Variants in ULK4 observed in about 807,000 individuals in gnomAD.
The protein encoded by ULK4 is inactive serine/threonine-protein kinase ULK4.
ULK4 carries 133 observed loss-of-function variants against 160.6 expected under a neutral mutation model. The ratio of observed to expected loss-of-function variants is 0.83; its 90% CI spans 0.72 to 0.96. ULK4 has a LOEUF of 0.96. Among genes scored for constraint, ULK4 ranks in the 40% least tolerant of loss-of-function variants. The probability of loss-of-function intolerance (pLI) is 0.00; values close to 1 mark genes in which losing one functional copy is unlikely to be tolerated. For synonymous variants in ULK4, 534 were observed against 539.8 expected, an observed-to-expected ratio of 0.99 and a Z score of 0.15; for missense variants, 1,580 against 1,499.5, an observed-to-expected ratio of 1.05 and a Z score of -0.89.
intron 22 of ULK4, among the ~76,000 whole-genome samples, chr3:41,724,766 C>T (rs1362638129): frequency 6.6e-6 from 1 of 152,090 alleles, no homozygotes; most frequent in Non-Finnish European, 1.5e-5. Flanking sequence ...ATATCTTTGC[C>T]AAAACCCTAC....
At chr3:41,863,844 C>T (rs2042559750) in intron 17 of ULK4, among the ~76,000 whole-genome samples, 2 of 151,636 alleles carry the variant, frequency 1.3e-5, no homozygotes, top group South Asian at 4.2e-4. Context: ...CTCCCCCACT[C>T]TTTCCTCTTC....
At chr3:41,294,072 C>A (rs1559508968) in intron 35 of ULK4, among the ~76,000 whole-genome samples, 1 of 152,218 alleles carries the variant, frequency 6.6e-6, no homozygotes, top group Non-Finnish European at 1.5e-5. Flanking sequence ...AGAGATGTTA[C>A]AGTCTGAGTG....
intron 3 of ULK4, chr3:41,937,845 TAATC>T (rs1699829215): frequency 3.6e-6 from 1 of 278,190 alleles, no homozygotes; most frequent in East Asian, 6.4e-5. Flanking sequence ...TTTGATAAAT[TAATC>T]ATCACTTTAA....
chr3:41,445,410 C>A (rs1017852712), intron 34 of ULK4, among the ~76,000 whole-genome samples: 3 of 152,072 alleles, frequency 2.0e-5, no homozygotes, highest in South Asian at 2.1e-4. Context: ...GAGCCTGCAT[C>A]GCCAAGTCAA....
intron 32 of ULK4, among the ~76,000 whole-genome samples, chr3:41,469,615 A>AAAAAAAAAAAAAC (rs1559625786): frequency 1.3e-5 from 2 of 148,302 alleles, no homozygotes; most frequent in African/African-American, 4.9e-5. Context: ...AAAAAAAAAA[A>AAAAAAAAAAAAAC]AAAAAAAAAA....
chr3:41,317,061 C>CTCTTTTTTT (rs1170201981), intron 35 of ULK4, among the ~76,000 whole-genome samples: 2 of 92,136 alleles, frequency 2.2e-5, no homozygotes, highest in African/African-American at 9.6e-5. Context: ...GCAATTACAT[C>CTCTTTTTTT]TATTTTTTTT....
intron 32 of ULK4, among the ~76,000 whole-genome samples, chr3:41,556,253 A>C (rs1004433567): frequency 3.3e-5 from 5 of 152,198 alleles, no homozygotes; most frequent in African/African-American, 1.2e-4. Context: ...TAGGAAAATA[A>C]AAGATTTATA....
chr3:41,505,095 A>AG (rs901634510), intron 32 of ULK4, among the ~76,000 whole-genome samples: 23 of 152,202 alleles, frequency 1.5e-4, no homozygotes, highest in African/African-American at 5.5e-4. Context: ...CACATATACC[A>AG]GTAAGCTACT....
At position 41,361,406 on chromosome 3, in the gene ULK4, A is replaced by G. The variant is rs965824951; in HGVS notation, c.3678+36673T>C. Among the ~76,000 whole-genome samples, 5 of 152,336 alleles carry G rather than the reference A, an allele frequency of 3.3e-5. No homozygotes were observed. In the South Asian group the frequency reaches 1.0e-3, roughly 32 times the overall value. The stretch of plus-strand genomic sequence containing the variant: ...AATTAACAAAAAATATGAATTCCTT[A>G]CCCTATTGTTTGAAAAGTGCTCTTG... On this transcript the variant is annotated intron_variant, in intron 35 of 36. Coordinates refer to ENST00000301831, the MANE Select transcript of ULK4 (RefSeq NM_017886.4).
At chr3:41,762,569 T>TA (rs1283780633) in intron 21 of ULK4, among the ~76,000 whole-genome samples, 3 of 151,638 alleles carry the variant, frequency 2.0e-5, no homozygotes, top group Non-Finnish European at 4.4e-5. Flanking sequence ...TCAGGAAACT[T>TA]AGAGTCATGG....
intron 25 of ULK4, among the ~76,000 whole-genome samples, chr3:41,714,975 A>C (rs1227958197): frequency 6.6e-6 from 1 of 152,218 alleles, no homozygotes; most frequent in African/African-American, 2.4e-5. Context: ...GTTTAATACC[A>C]AAATCTATGA....
chr3:41,509,083 T>C (rs1158468879), intron 32 of ULK4, among the ~76,000 whole-genome samples: 1 of 151,828 alleles, frequency 6.6e-6, no homozygotes, highest in African/African-American at 2.4e-5. Flanking sequence ...TGATACAGGA[T>C]ATGAAAGGAG....
At chr3:41,314,674 G>A (rs909637154) in intron 35 of ULK4, among the ~76,000 whole-genome samples, 6 of 152,238 alleles carry the variant, frequency 3.9e-5, no homozygotes, top group East Asian at 1.9e-4. Context: ...TTTATTATCC[G>A]TTTTTAATTT....
At chr3:41,559,704 A>C (rs6599162) in intron 32 of ULK4, among the ~76,000 whole-genome samples, 65,565 of 151,714 alleles carry the variant, frequency 0.43, 15,290 homozygotes, top group Middle Eastern at 0.55. Flanking sequence ...ATATCCTTTG[A>C]CCAGTTTTTG....
intron 32 of ULK4, among the ~76,000 whole-genome samples, chr3:41,533,274 T>C (rs887438713): frequency 2.0e-5 from 3 of 152,180 alleles, no homozygotes; most frequent in Admixed American, 1.3e-4. Context: ...CTTTGGATGG[T>C]TTATTATGTA....
chr3:41,712,732 A>T (rs2037142178), intron 25 of ULK4, among the ~76,000 whole-genome samples: 1 of 152,002 alleles, frequency 6.6e-6, no homozygotes, highest in South Asian at 2.1e-4. Context: ...TCTTCGAAAA[A>T]TTTTTAAAAA....
intron 32 of ULK4, among the ~76,000 whole-genome samples, chr3:41,476,229 TA>T (rs2084140774): frequency 6.6e-6 from 1 of 152,164 alleles, no homozygotes; most frequent in African/African-American, 2.4e-5. Flanking sequence ...ATTAGACTAC[TA>T]ATGTTGGTGA....
chr3:41,770,658 G>A lies in ULK4; in HGVS notation c.2194-16170C>T, dbSNP rs538267236. 1.4e-4 allele frequency among the ~76,000 whole-genome samples: 22 copies of A among 151,960 alleles called. 1 individual carries two copies. The South Asian group carries it at 2.7e-3, about 19-fold the overall frequency. ...CCCAAGTAGCTGGGACCACAAGCAC[G>A]CACTACCACGACAGGCTAATTTTTT... is the stretch of plus-strand genomic sequence containing the variant. On this transcript the variant is annotated intron_variant, in intron 21 of 36. Coordinates refer to ENST00000301831, the MANE Select transcript of ULK4 (RefSeq NM_017886.4).
intron 18 of ULK4, among the ~76,000 whole-genome samples, chr3:41,831,043 TATTA>T (rs2041566305): frequency 6.6e-6 from 1 of 150,580 alleles, no homozygotes; most frequent in African/African-American, 2.5e-5. Context: ...TTGATTTATT[TATTA>T]GACAGGGTGT....
Sources: gnomAD v4.1 joint callset for allele counts (sites outside exome capture counted in the v4.1 genomes callset) on GRCh38, gnomAD v4.1.1 for gene constraint, MANE v1.5 for transcripts, NCBI Gene and HGNC (gene_info 2026-07-23, HGNC 2026-07-21) for gene names.